The following ANKS1B variants were observed in gnomAD, a reference collection of about 807,000 sequenced individuals.
The protein encoded by ANKS1B is ankyrin repeat and sterile alpha motif domain containing 1B.
A neutral mutation model predicts 148.3 loss-of-function variants in ANKS1B; 36 were observed. That is an observed-to-expected ratio of 0.24 (90% CI 0.19 to 0.32). ANKS1B has a LOEUF of 0.32. Among genes scored for constraint, ANKS1B ranks in the 10% least tolerant of loss-of-function variants. ANKS1B has a pLI of 1.00. For synonymous variants in ANKS1B, 542 were observed against 560.8 expected, an observed-to-expected ratio of 0.97 and a Z score of 0.47; for missense variants, 1,157 against 1,542.6, an observed-to-expected ratio of 0.75 and a Z score of 4.19.
In ANKS1B at chr12:99,655,065, A is replaced by G; in HGVS notation, c.1272+2T>C. On this transcript the variant is annotated splice_donor_variant, in intron 9 of 26. Coordinates refer to ENST00000683438, the MANE Select transcript of ANKS1B (RefSeq NM_001352186.2). LOFTEE classifies it high-confidence loss of function. ...TGTACCTTAATAAAAGCAAACTTTT[A>G]CCTGGGCAAGCATGGGGAAGCCAAG... The G allele has an allele frequency of 6.4e-7, 1 of 1,563,990 alleles. No homozygotes were observed. Among genetic ancestry groups the G allele is most frequent in the Non-Finnish European group, 8.7e-7 (1 of 1,151,448 alleles).
Position 99,454,965 on chromosome 12 carries a change from T to C in ANKS1B, c.1439-11156A>G, listed in dbSNP as rs1490751425. Among the ~76,000 whole-genome samples the C allele has an allele frequency of 2.0e-5, 3 of 152,224 alleles. No homozygotes were observed. The East Asian group carries it at 5.8e-4, about 29-fold the overall frequency. ...TGAAGAAAGTAAAAAAGAAAGAAAA[T>C]ATTTTGCATCACATCAGTAATCCGT... On this transcript the variant is annotated intron_variant, in intron 10 of 26. Coordinates refer to ENST00000683438, the MANE Select transcript of ANKS1B (RefSeq NM_001352186.2).
Position 99,984,846 on chromosome 12 carries a change from GGGCGGCGGC to G in ANKS1B, c.-618_-610del, listed in dbSNP as rs1038471735. On this transcript the variant is annotated 5_prime_UTR_variant, in exon 1 of 27. Coordinates refer to ENST00000683438, the MANE Select transcript of ANKS1B (RefSeq NM_001352186.2). Reference sequence around the variant, plus strand: ...GGCAGCCGCAGCGGGCGCGTGCCGAGGGCGGCGGCGGCGGCGAGGCCTGGCGCGCGGGGG... The same window carrying G: ...GGCAGCCGCAGCGGGCGCGTGCCGAGGGCGGCGAGGCCTGGCGCGCGGGGG... Among the ~76,000 whole-genome samples the G allele has an allele frequency of 6.8e-6, 1 of 146,494 alleles. No homozygotes were observed. Among genetic ancestry groups the G allele is most frequent in the Non-Finnish European group, 1.5e-5 (1 of 65,926 alleles).
chr12:99,746,122 C>T (rs550039992), intron 8 of ANKS1B, among the ~76,000 whole-genome samples: 3 of 152,162 alleles, frequency 2.0e-5, no homozygotes, highest in South Asian at 4.2e-4. Flanking sequence ...AAACCAGGGC[C>T]GTGTAACTCT....
intron 1 of ANKS1B, among the ~76,000 whole-genome samples, chr12:99,864,056 G>A (rs2090408301): frequency 7.2e-6 from 1 of 138,570 alleles, no homozygotes; most frequent in Non-Finnish European, 1.5e-5. Context: ...ACTCCAGCCT[G>A]GCAACAGAGC....
chr12:99,721,258 C>A (rs1395956709), intron 8 of ANKS1B, among the ~76,000 whole-genome samples: 6 of 152,142 alleles, frequency 3.9e-5, no homozygotes, highest in African/African-American at 1.4e-4. Flanking sequence ...TACCACCCCC[C>A]AAAATTTTCG....
At chr12:99,208,880 T>G (rs1456155229) in intron 14 of ANKS1B, among the ~76,000 whole-genome samples, 2 of 152,226 alleles carry the variant, frequency 1.3e-5, no homozygotes, top group East Asian at 3.8e-4. Context: ...TGGTAAAGTA[T>G]ACTTTTGTGA....
At chr12:99,739,635 C>T (rs950513873) in intron 8 of ANKS1B, among the ~76,000 whole-genome samples, 3 of 152,184 alleles carry the variant, frequency 2.0e-5, no homozygotes, top group Non-Finnish European at 2.9e-5. Context: ...GCCCCTTCCA[C>T]GTCTCTTTGA....
intron 17 of ANKS1B, among the ~76,000 whole-genome samples, chr12:99,028,531 A>T (rs1288337041): frequency 1.3e-5 from 2 of 152,202 alleles, no homozygotes; most frequent in East Asian, 3.8e-4. Flanking sequence ...ATGGATCCAG[A>T]TGGCAGAGAG....
rs527912011 is a variant in ANKS1B, at chr12:99,584,613, T to C, written c.1272+70454A>G. The stretch of plus-strand genomic sequence containing the variant: ...TCCTGTTTTGAGAGAGAAATATATA[T>C]ATATATCTGTTCTCACGCTGCTAAT... On this transcript the variant is annotated intron_variant, in intron 9 of 26. Coordinates refer to ENST00000683438, the MANE Select transcript of ANKS1B (RefSeq NM_001352186.2). Among the ~76,000 whole-genome samples the C allele has an allele frequency of 8.8e-4, 133 of 151,918 alleles. 2 individuals carry two copies. The highest frequency in any genetic ancestry group is 3.0e-3 in the African/African-American group (123 of 41,364).
At chr12:99,217,189 T>A (rs2084345966) in intron 14 of ANKS1B, among the ~76,000 whole-genome samples, 1 of 152,162 alleles carries the variant, frequency 6.6e-6, no homozygotes, top group Non-Finnish European at 1.5e-5. Flanking sequence ...CACTAAAAAA[T>A]GTACGTTAAC....
At position 99,405,909 on chromosome 12, in the gene ANKS1B, G is replaced by T. The variant is rs1175646745; in HGVS notation, c.1576-6098C>A. Among the ~76,000 whole-genome samples the T allele has an allele frequency of 2.8e-5, 4 of 145,334 alleles. 1 individual carries two copies. The highest frequency in any genetic ancestry group is 4.6e-5 in the Non-Finnish European group (3 of 65,720). ...GTAGCTATACTGATATGACAAAATA[G>T]ATTTCAAGAAAAAACTATAAAAACA... is the stretch of plus-strand genomic sequence containing the variant. On this transcript the variant is annotated intron_variant, in intron 11 of 26. Coordinates refer to ENST00000683438, the MANE Select transcript of ANKS1B (RefSeq NM_001352186.2).
chr12:99,057,468 C>T (rs2040609036), intron 16 of ANKS1B, among the ~76,000 whole-genome samples: 1 of 151,976 alleles, frequency 6.6e-6, no homozygotes, highest in South Asian at 2.1e-4. Context: ...CCTCTATTTC[C>T]TTCCTTCTTT....
chr12:99,165,295 A>G (rs183615887), intron 14 of ANKS1B, among the ~76,000 whole-genome samples: 1 of 151,992 alleles, frequency 6.6e-6, no homozygotes, highest in Non-Finnish European at 1.5e-5. Context: ...GGGGAAATAA[A>G]TGAAACAAAA....
intron 9 of ANKS1B, among the ~76,000 whole-genome samples, chr12:99,645,691 T>C (rs1421539869): frequency 6.6e-6 from 1 of 152,154 alleles, no homozygotes; most frequent in Admixed American, 6.5e-5. Flanking sequence ...AATCTCAAGT[T>C]CAGGTAGTTT....
At chr12:99,980,573 T>C (rs2095686427) in intron 1 of ANKS1B, among the ~76,000 whole-genome samples, 1 of 152,092 alleles carries the variant, frequency 6.6e-6, no homozygotes, top group South Asian at 2.1e-4. Context: ...TACTGCATTT[T>C]GTGAATTTCT....
chr12:99,487,426 A>G (rs1408959030), intron 10 of ANKS1B, among the ~76,000 whole-genome samples: 1 of 152,194 alleles, frequency 6.6e-6, no homozygotes, highest in Non-Finnish European at 1.5e-5. Context: ...CTATGTTTGT[A>G]TATTAAAGGA....
intron 1 of ANKS1B, among the ~76,000 whole-genome samples, chr12:99,927,290 A>T (rs3844211): frequency 6.6e-6 from 1 of 151,976 alleles, no homozygotes; most frequent in Non-Finnish European, 1.5e-5. Flanking sequence ...GGTTTGAATT[A>T]GGTTTCAGTC....
chr12:98,937,289 T>C (rs945908002), intron 17 of ANKS1B, among the ~76,000 whole-genome samples: 7 of 152,180 alleles, frequency 4.6e-5, no homozygotes, highest in African/African-American at 1.7e-4. Context: ...CAAACATATA[T>C]TGGAGATATG....
intron 9 of ANKS1B, among the ~76,000 whole-genome samples, chr12:99,633,179 T>C (rs530648471): frequency 6.6e-6 from 1 of 151,986 alleles, no homozygotes; most frequent in African/African-American, 2.4e-5. Flanking sequence ...TTGGGTTGGT[T>C]CCAAGTCTTT....
Sources: allele counts gnomAD v4.1 joint callset (sites outside exome capture counted in the v4.1 genomes callset), GRCh38; gene constraint gnomAD v4.1.1; transcripts MANE v1.5; gene names NCBI Gene and HGNC (gene_info 2026-07-23, HGNC 2026-07-21).